Variants in CD72 observed in about 807,000 individuals in gnomAD.
The protein encoded by CD72 is B-cell differentiation antigen CD72.
CD72 carries 28 observed loss-of-function variants against 50.7 expected under a neutral mutation model. That is an observed-to-expected ratio of 0.55 (90% CI 0.41 to 0.76). The LOEUF (loss-of-function observed/expected upper bound fraction) is 0.76. Among genes scored for constraint, CD72 ranks in the 30% least tolerant of loss-of-function variants. The pLI, the probability that CD72 is intolerant of heterozygous loss-of-function variation, is 0.00. For missense variants in CD72, 403 were observed against 420.6 expected, an observed-to-expected ratio of 0.96 and a Z score of 0.37; for synonymous variants, 176 against 171.2, an observed-to-expected ratio of 1.03 and a Z score of -0.22.
intron 1 of CD72, among the ~76,000 whole-genome samples, chr9:35,636,196 C>G (rs1199016361): frequency 6.6e-6 from 1 of 152,166 alleles, no homozygotes; most frequent in Non-Finnish European, 1.5e-5. Context: ...CTACCACCCC[C>G]TCCCCAGTTG....
At chr9:35,631,520 G>A (rs1181592903) in intron 1 of CD72, among the ~76,000 whole-genome samples, 1 of 151,832 alleles carries the variant, frequency 6.6e-6, no homozygotes, top group East Asian at 1.9e-4. Flanking sequence ...GAGTTTTTTT[G>A]GGAATAGTAT....
chr9:35,631,129 A>C (rs978188290), intron 1 of CD72, among the ~76,000 whole-genome samples: 2 of 152,114 alleles, frequency 1.3e-5, no homozygotes, highest in Non-Finnish European at 2.9e-5. Flanking sequence ...CAATATGCTT[A>C]TTGCTAGAGT....
chr9:35,611,378 G>A (rs1046306915), intron 7 of CD72, among the ~76,000 whole-genome samples: 1 of 152,120 alleles, frequency 6.6e-6, no homozygotes, highest in Non-Finnish European at 1.5e-5. Context: ...GTGGAGCTTC[G>A]ATGGTACCCC....
chr9:35,616,667 G>A lies in CD72; in HGVS notation c.285C>T (p.Tyr95=). Residue 95 remains tyrosine, a synonymous_variant, in exon 4 of 9, where the codon TAC becomes TAT. Coordinates refer to ENST00000259633, the MANE Select transcript of CD72 (RefSeq NM_001782.3). ...AGGTGAGGAGCAGGCCGAGCAGGAG[G>A]TATCGCAGGCAGGTTGTGCGGCCTT... ...ILPCRTTCLR[Y]LLLGLLLTCL... 6.2e-7 allele frequency: 1 copy of A among 1,613,794 alleles called. No individual in the cohort carries two copies. Among genetic ancestry groups the A allele is most frequent in the Non-Finnish European group, 8.5e-7 (1 of 1,179,980 alleles).
intron 4 of CD72, 117 bp from the exon 5 acceptor site, chr9:35,616,395 C>G: frequency 2.3e-6 from 2 of 880,028 alleles, no homozygotes; most frequent in Non-Finnish European, 3.5e-6. Flanking sequence ...GGCTGAAATA[C>G]AAGATTTGAC....
intron 1 of CD72, among the ~76,000 whole-genome samples, chr9:35,643,967 C>A (rs1025789436): frequency 6.7e-6 from 1 of 149,592 alleles, no homozygotes; most frequent in South Asian, 2.1e-4. Flanking sequence ...GCCTGGGTGA[C>A]AGAGAAAAAC....
At chr9:35,637,351 T>TG (rs1823300056) in intron 1 of CD72, among the ~76,000 whole-genome samples, 1 of 152,232 alleles carries the variant, frequency 6.6e-6, no homozygotes. Flanking sequence ...CATTTGGTGC[T>TG]GAAGACCCGG....
chr9:35,629,516 T>C (rs1175000557), intron 1 of CD72, among the ~76,000 whole-genome samples: 1 of 152,194 alleles, frequency 6.6e-6, no homozygotes, highest in Non-Finnish European at 1.5e-5. Context: ...ATTGCTCTTA[T>C]TTGGTACAGA....
chr9:35,635,431 C>T (rs181270812), intron 1 of CD72, among the ~76,000 whole-genome samples: 2 of 152,188 alleles, frequency 1.3e-5, no homozygotes, highest in Admixed American at 1.3e-4. Flanking sequence ...ATTTAATTTT[C>T]TAGACCTATT....
chr9:35,640,372 G>A (rs1219016758), intron 1 of CD72, among the ~76,000 whole-genome samples: 2 of 152,244 alleles, frequency 1.3e-5, no homozygotes, highest in Non-Finnish European at 2.9e-5. Context: ...ATGGTGGCAA[G>A]CCTTGTGTTC....
chr9:35,638,066 C>T (rs760620221), intron 1 of CD72, among the ~76,000 whole-genome samples: 8 of 152,148 alleles, frequency 5.3e-5, no homozygotes, highest in African/African-American at 1.9e-4. Flanking sequence ...GGCCAGAGAA[C>T]GGCACTGTCA....
upstream of CD72, among the ~76,000 whole-genome samples, chr9:35,623,101 C>T (rs757405105): frequency 2.0e-5 from 3 of 151,708 alleles, no homozygotes; most frequent in Non-Finnish European, 2.9e-5. Context: ...TGAAACCCTC[C>T]CTCAAAAAAT....
upstream of CD72, among the ~76,000 whole-genome samples, chr9:35,624,226 TAATAA>T (rs1823174486): frequency 7.9e-6 from 1 of 125,904 alleles, no homozygotes; most frequent in Non-Finnish European, 1.6e-5. Flanking sequence ...ATAATAATAA[TAATAA>T]TAATAATAAT....
chr9:35,624,253 T>C (rs1823175158), upstream of CD72, among the ~76,000 whole-genome samples: 1 of 140,926 alleles, frequency 7.1e-6, no homozygotes, highest in Non-Finnish European at 1.5e-5. Flanking sequence ...ATAATAATAA[T>C]AATAATAATA....
Position 35,616,673 on chromosome 9 carries a change from C to A in CD72, c.279G>T (p.Leu93=). 6.2e-7 allele frequency: 1 copy of A among 1,613,712 alleles called. No individual in the cohort carries two copies. Among genetic ancestry groups the A allele is most frequent in the South Asian group, 1.1e-5 (1 of 91,056 alleles). The change falls in exon 4 of 9, where the codon CTG becomes CTT. Residue 93 remains leucine, a synonymous_variant. Coordinates refer to ENST00000259633, the MANE Select transcript of CD72 (RefSeq NM_001782.3). The part of the protein sequence containing the change: ...GRILPCRTTC[L]RYLLLGLLLT... ...GGAGCAGGCCGAGCAGGAGGTATCG[C>A]AGGCAGGTTGTGCGGCCTTAGGGGG...
intron 6 of CD72, 105 bp downstream of exon 6, chr9:35,612,743 G>T: frequency 1.9e-6 from 2 of 1,056,378 alleles, no homozygotes; most frequent in Non-Finnish European, 2.8e-6. Context: ...CCATGGAAAA[G>T]GAATGGCCAC....
Position 35,616,152 on chromosome 9 carries a change from G to C in CD72, c.479C>G (p.Ser160Cys). 6.2e-7 allele frequency: 1 copy of C among 1,614,046 alleles called. No individual in the cohort carries two copies. The highest frequency in any genetic ancestry group is 8.5e-7 in the Non-Finnish European group (1 of 1,180,038). Reference sequence around the variant, plus strand: ...CTGACTCTGCGCCAGCTCTCTCCTGGACCCCTGCAGATCCTCTGCACTCTG... The same window carrying C: ...CTGACTCTGCGCCAGCTCTCTCCTGCACCCCTGCAGATCCTCTGCACTCTG... ...LGQSAEDLQGSRRELAQSQEA... is the reference protein window; with the variant it reads ...LGQSAEDLQGCRRELAQSQEA... The change falls in exon 5 of 9, where the codon TCC becomes TGC. Residue 160 changes from serine to cysteine, a missense_variant. By Grantham distance (112) the Ser-to-Cys change is moderately radical. Coordinates refer to ENST00000259633, the MANE Select transcript of CD72 (RefSeq NM_001782.3).
chr9:35,625,800 G>A (rs1041752857), intron 1 of CD72, among the ~76,000 whole-genome samples: 2 of 152,072 alleles, frequency 1.3e-5, no homozygotes, highest in South Asian at 2.1e-4. Flanking sequence ...TATCCTTCCC[G>A]TGCTCTATAC....
chr9:35,630,036 C>CTTTT (rs35481553), intron 1 of CD72, among the ~76,000 whole-genome samples: 6 of 128,968 alleles, frequency 4.7e-5, no homozygotes, highest in South Asian at 2.3e-4. Context: ...AATTTCTTTT[C>CTTTT]TTTTTTTTTT....
Sources: allele counts gnomAD v4.1 joint callset (sites outside exome capture counted in the v4.1 genomes callset), GRCh38; gene constraint gnomAD v4.1.1; transcripts MANE v1.5; gene names NCBI Gene and HGNC (gene_info 2026-07-23, HGNC 2026-07-21).